IGDCC3: variants seen among roughly 807,000 people sequenced by gnomAD.
IGDCC3 encodes the protein immunoglobulin superfamily DCC subclass member 3.
IGDCC3 carries 47 observed loss-of-function variants against 72.0 expected under a neutral mutation model. The ratio of observed to expected loss-of-function variants is 0.65; its 90% CI spans 0.52 to 0.83. The LOEUF (loss-of-function observed/expected upper bound fraction) is 0.83. IGDCC3 is among the 40% of genes least tolerant of loss of function. IGDCC3 has a pLI of 0.00. For synonymous variants in IGDCC3, 477 were observed against 472.8 expected (o/e 1.01, Z -0.11); for missense variants, 1,038 against 1,091.3 (o/e 0.95, Z 0.69).
At chr15:65,368,261 G>C (rs1191591472) in intron 2 of IGDCC3, among the ~76,000 whole-genome samples, 3 of 151,418 alleles carry the variant, frequency 2.0e-5, no homozygotes, top group Non-Finnish European at 4.4e-5. Context: ...AAGGCCAGGA[G>C]TGAAAAAGTC....
intron 2 of IGDCC3, among the ~76,000 whole-genome samples, chr15:65,361,904 C>T (rs891162667): frequency 5.3e-5 from 8 of 152,286 alleles, no homozygotes; most frequent in Admixed American, 3.3e-4. Flanking sequence ...GCCCATCGCG[C>T]CCCGCCCAGG....
intron 2 of IGDCC3, among the ~76,000 whole-genome samples, chr15:65,362,606 G>A (rs552891581): frequency 1.1e-4 from 17 of 152,268 alleles, no homozygotes; most frequent in Admixed American, 9.8e-4. Context: ...AGAAATGCCT[G>A]GGCCTTACTC....
chr15:65,356,848 C>CTTTTTTTTTTTGTTTTTTTTTTTTTTTTT (rs2091225330), intron 2 of IGDCC3, among the ~76,000 whole-genome samples: 1 of 70,898 alleles, frequency 1.4e-5, no homozygotes, highest in Non-Finnish European at 2.6e-5. Context: ...AATGGACCTG[C>CTTTTTTTTTTTGTTTTTTTTTTTTTTTTT]TTTTTTTTTT....
chr15:65,333,371 C>G lies in IGDCC3; in HGVS notation c.868G>C (p.Gly290Arg). The G allele has an allele frequency of 6.2e-7, 1 of 1,611,518 alleles. No individual in the cohort carries two copies. The highest frequency in any genetic ancestry group is 8.5e-7 in the Non-Finnish European group (1 of 1,178,830). ...GTCACGTCTGAGATGATGAGGTTTCCTGTGCCCAGCACCTGGATGCCCTCC... is the reference window on the plus strand; with the variant it reads ...GTCACGTCTGAGATGATGAGGTTTCGTGTGCCCAGCACCTGGATGCCCTCC... The part of the protein sequence containing the change: ...GVEGIQVLGT[G>R]NLIISDVTVQ... The change falls in exon 6 of 14, where the codon GGA becomes CGA. Residue 290 changes from glycine (G) to arginine (R), a missense_variant. Gly to Arg is a moderately radical substitution (Grantham distance 125). Coordinates refer to ENST00000327987, the MANE Select transcript of IGDCC3 (RefSeq NM_004884.4).
At chr15:65,371,136 G>C (rs1182429856) in intron 2 of IGDCC3, among the ~76,000 whole-genome samples, 1 of 152,246 alleles carries the variant, frequency 6.6e-6, no homozygotes, top group East Asian at 1.9e-4. Context: ...ACCCAGCCAG[G>C]ATTGAGACAC....
intron 5 of IGDCC3, 109 bp from the exon 6 acceptor site, chr15:65,333,524 C>G (rs1055635238): frequency 9.2e-6 from 10 of 1,084,414 alleles, no homozygotes; most frequent in Non-Finnish European, 1.3e-5. Context: ...TTCTAGGGAG[C>G]CCCAGTCTTT....
At chr15:65,368,229 G>A (rs1008640536) in intron 2 of IGDCC3, among the ~76,000 whole-genome samples, 1 of 151,192 alleles carries the variant, frequency 6.6e-6, no homozygotes, top group Admixed American at 6.6e-5. Context: ...AGAGAAGAGG[G>A]GAGAGGGAAA....
At chr15:65,330,447 C>T (rs1362935227) in intron 10 of IGDCC3, 50 bp from the exon 11 acceptor site, 1 of 1,579,676 alleles carries the variant, frequency 6.3e-7, no homozygotes, top group East Asian at 2.2e-5. Flanking sequence ...AACCACGTGC[C>T]CTGTCCTAGC....
chr15:65,357,446 T>C (rs1478367540), intron 2 of IGDCC3, among the ~76,000 whole-genome samples: 1 of 152,238 alleles, frequency 6.6e-6, no homozygotes, highest in African/African-American at 2.4e-5. Context: ...CTAATGTCCA[T>C]GTCACCATAA....
Position 65,375,021 on chromosome 15 carries a change from G to A in IGDCC3, c.409+76C>T, listed in dbSNP as rs150435204. On this transcript the variant is annotated intron_variant, in intron 2 of 13. Transcript: ENST00000327987. ...GGCTGCATAAGATGGGACTGCTCCCGCTGCCCTCATGCCCTAGGCTGACCC... is the reference window on the plus strand; with the variant it reads ...GGCTGCATAAGATGGGACTGCTCCCACTGCCCTCATGCCCTAGGCTGACCC... 7.1e-3 allele frequency: 9,526 copies of A among 1,350,680 alleles called. 51 individuals are homozygous for A. Among genetic ancestry groups the A allele is most frequent in the Non-Finnish European group, 8.7e-3 (8,390 of 964,138 alleles). The allele number at this position is 1,350,680 out of a possible 1,614,324, so 83.7% of individuals were successfully genotyped here.
intron 2 of IGDCC3, among the ~76,000 whole-genome samples, chr15:65,356,658 C>T (rs181680708): frequency 1.1e-4 from 15 of 137,552 alleles, no homozygotes; most frequent in Admixed American, 1.1e-3. Flanking sequence ...TTCACCATCA[C>T]CACCAAACAA....
intron 2 of IGDCC3, chr15:65,356,022 T>TCCCTCCGGGC (rs970240256): frequency 7.0e-5 from 19 of 273,314 alleles, no homozygotes; most frequent in African/African-American, 4.0e-4. Context: ...CCCTCGTCCC[T>TCCCTCCGGGC]CCCTCCGGGC....
intron 2 of IGDCC3, among the ~76,000 whole-genome samples, chr15:65,362,846 ATTTTTTTTTTT>A (rs869239198): frequency 2.3e-5 from 2 of 85,726 alleles, no homozygotes; most frequent in Admixed American, 1.4e-4. Flanking sequence ...AGGTTTGGGG[ATTTTTTTTTTT>A]TTTTTTTTTT....
intron 2 of IGDCC3, among the ~76,000 whole-genome samples, chr15:65,354,739 T>C (rs898674672): frequency 6.6e-6 from 1 of 152,104 alleles, no homozygotes; most frequent in Non-Finnish European, 1.5e-5. Context: ...TCCACATAAG[T>C]CCCCAGCCTG....
In IGDCC3 at chr15:65,330,618, C is replaced by T; in HGVS notation, c.1685G>A (p.Ser562Asn). ...GATGGGGCCGGTGAAGGAGGTCTTG[C>T]TTGCTGGGCGGTAAAACAGCTTGAA... is the stretch of plus-strand genomic sequence containing the variant. ...GGFKLFYRPASKTSFTGPILL... is the reference protein window; with the variant it reads ...GGFKLFYRPANKTSFTGPILL... Residue 562 changes from serine (S) to asparagine (N), a missense_variant, in exon 10 of 14, where the codon AGC (serine) becomes AAC (asparagine). Transcript: ENST00000327987. 6.2e-7 allele frequency: 1 copy of T among 1,613,818 alleles called. No individual in the cohort carries two copies. Among genetic ancestry groups the T allele is most frequent in the South Asian group, 1.1e-5 (1 of 91,072 alleles).
At chr15:65,357,049 A>C (rs908403385) in intron 2 of IGDCC3, among the ~76,000 whole-genome samples, 1 of 151,444 alleles carries the variant, frequency 6.6e-6, no homozygotes, top group African/African-American at 2.4e-5. Flanking sequence ...ATGGGGTTTC[A>C]CCATGTTGGC....
At chr15:65,366,847 C>CCCCTCCTCAGGGAGA (rs1212423078) in intron 2 of IGDCC3, among the ~76,000 whole-genome samples, 1 of 152,196 alleles carries the variant, frequency 6.6e-6, no homozygotes, top group African/African-American at 2.4e-5. Context: ...AGTCCAGGTG[C>CCCCTCCTCAGGGAGA]CCACAGAAAG....
At chr15:65,360,245 ACAT>A (rs1323329060) in intron 2 of IGDCC3, among the ~76,000 whole-genome samples, 2 of 152,240 alleles carry the variant, frequency 1.3e-5, no homozygotes, top group African/African-American at 4.8e-5. Context: ...GATCTTATTA[ACAT>A]CATACCAGCC....
intron 5 of IGDCC3, among the ~76,000 whole-genome samples, chr15:65,334,309 G>A (rs753526213): frequency 6.6e-6 from 1 of 152,206 alleles, no homozygotes; most frequent in Non-Finnish European, 1.5e-5. Context: ...GGCCCAGAGT[G>A]AGGGTCTGAC....
Sources: gnomAD v4.1 joint callset for allele counts (sites outside exome capture counted in the v4.1 genomes callset) on GRCh38, gnomAD v4.1.1 for gene constraint, MANE v1.5 for transcripts, NCBI Gene and HGNC (gene_info 2026-07-23, HGNC 2026-07-21) for gene names.